Variants in AHCYL2 observed in about 807,000 individuals in gnomAD.
AHCYL2 encodes S-adenosylhomocysteine hydrolase-like protein 2.
Under a neutral mutation model 81.4 loss-of-function variants are expected in AHCYL2, and 28 were observed. That is an observed-to-expected ratio of 0.34 (90% CI 0.25 to 0.47). The LOEUF (loss-of-function observed/expected upper bound fraction) is 0.47. Among genes scored for constraint, AHCYL2 ranks in the 20% least tolerant of loss-of-function variants. The pLI is 1.00. For missense variants in AHCYL2, 551 were observed against 785.1 expected, an observed-to-expected ratio of 0.70 and a Z score of 3.56; for synonymous variants, 272 against 290.2, an observed-to-expected ratio of 0.94 and a Z score of 0.64.
intron 4 of AHCYL2, 99 bp from the exon 5 acceptor site, chr7:129,397,123 T>G: frequency 9.8e-7 from 1 of 1,017,194 alleles, no homozygotes; most frequent in Non-Finnish European, 1.4e-6. Flanking sequence ...GCTTAAGTCA[T>G]TCCCGTTGTA....
chr7:129,422,990 A>G, intron 13 of AHCYL2, 52 bp downstream of exon 13: 1 of 1,498,838 alleles, frequency 6.7e-7, no homozygotes, highest in South Asian at 1.2e-5. Context: ...AGACTGCAAT[A>G]CCCAGGTCCC....
rs112172676 is a variant in AHCYL2 at position 129,308,071 on chromosome 7, G to A, written c.364-71567G>A. 6.1e-3 allele frequency among the ~76,000 whole-genome samples: 925 copies of A among 151,992 alleles called. 12 individuals are homozygous for A. The highest frequency in any genetic ancestry group is 0.021 in the African/African-American group (888 of 41,454). ...TGCCTTGGGTTGAGGGAGGGGTGAC[G>A]CAAGCACTCCCTTAGCCACCCTGGC... is the stretch of plus-strand genomic sequence containing the variant. On this transcript the variant is annotated intron_variant, in intron 1 of 16. Coordinates refer to ENST00000325006, the MANE Select transcript of AHCYL2 (RefSeq NM_015328.4).
chr7:129,348,337 T>G (rs541595629), intron 1 of AHCYL2, among the ~76,000 whole-genome samples: 1 of 149,258 alleles, frequency 6.7e-6, no homozygotes, highest in Non-Finnish European at 1.5e-5. Context: ...GGGGGAAAAC[T>G]GGATGCAGAA....
Position 129,341,184 on chromosome 7 carries a change from C to T in AHCYL2, c.364-38454C>T, listed in dbSNP as rs570576776. Among the ~76,000 whole-genome samples the T allele has an allele frequency of 3.3e-5, 5 of 152,264 alleles. No individual in the cohort carries two copies. In the East Asian group the frequency reaches 9.6e-4, roughly 29 times the overall value. ...AAGAGGTAGTTAGAACTTGGGGTTACATAGCATCTTAGCAAAGAATAGAAA... is the reference window on the plus strand; with the variant it reads ...AAGAGGTAGTTAGAACTTGGGGTTATATAGCATCTTAGCAAAGAATAGAAA... On this transcript the variant is annotated intron_variant, in intron 1 of 16. Transcript: ENST00000325006.
At chr7:129,265,255 T>C (rs1038980804) in intron 1 of AHCYL2, among the ~76,000 whole-genome samples, 2 of 152,156 alleles carry the variant, frequency 1.3e-5, no homozygotes, top group Admixed American at 6.5e-5. Context: ...ATTTCAGCAT[T>C]ATATGAAGCA....
At chr7:129,318,446 A>G (rs558614779) in intron 1 of AHCYL2, among the ~76,000 whole-genome samples, 1 of 152,352 alleles carries the variant, frequency 6.6e-6, no homozygotes, top group African/African-American at 2.4e-5. Context: ...ATTCAAAATT[A>G]TATTCCTTAA....
chr7:129,406,593 C>T lies in AHCYL2; in HGVS notation c.1295+127C>T, dbSNP rs1796318643. ...AGATGCTGCCACTAACTCTAAGCAT[C>T]TGTCTTTTAAAAAGGTCAAGGAGCT... On this transcript the variant is annotated intron_variant, in intron 10 of 16. Coordinates refer to ENST00000325006, the MANE Select transcript of AHCYL2 (RefSeq NM_015328.4). This position sits in a 1 kb window ranked among gnomAD's most constrained non-coding sequence, Gnocchi z 4.3. 2.2e-6 allele frequency: 2 copies of T among 911,190 alleles called. No homozygotes were observed. The highest frequency in any genetic ancestry group is 2.3e-4 in the Middle Eastern group (1 of 4,264). 56.4% of individuals were successfully genotyped at this position (911,190 alleles called of 1,614,324 possible).
intron 1 of AHCYL2, among the ~76,000 whole-genome samples, chr7:129,317,607 G>A (rs1797868517): frequency 6.6e-6 from 1 of 152,202 alleles, no homozygotes; most frequent in Non-Finnish European, 1.5e-5. Context: ...AGGTGGGCAG[G>A]CACTACTACC....
Position 129,366,246 on chromosome 7 carries a change from G to C in AHCYL2, c.364-13392G>C, listed in dbSNP as rs572177501. Among the ~76,000 whole-genome samples, 495 of 152,130 alleles carry C rather than the reference G, an allele frequency of 3.3e-3. 3 individuals carry two copies. Among genetic ancestry groups the C allele is most frequent in the South Asian group, 9.6e-3 (46 of 4,812 alleles). ...CACCCTCCCTGTGATCCCTTGATAC[G>C]TCTGAATGCACCTGGTTCAACAGTC... On this transcript the variant is annotated intron_variant, in intron 1 of 16. Coordinates refer to ENST00000325006, the MANE Select transcript of AHCYL2 (RefSeq NM_015328.4).
chr7:129,225,811 C>G (rs1452940619), intron 1 of AHCYL2, among the ~76,000 whole-genome samples: 1 of 152,180 alleles, frequency 6.6e-6, no homozygotes, highest in East Asian at 1.9e-4. Context: ...CCTTACCGCT[C>G]ACGGGAGTTC....
intron 1 of AHCYL2, among the ~76,000 whole-genome samples, chr7:129,229,451 A>G (rs1478140123): frequency 6.6e-6 from 1 of 152,166 alleles, no homozygotes; most frequent in South Asian, 2.1e-4. Context: ...TTATAGATGC[A>G]GAAATGAGAT....
chr7:129,416,666 G>C (rs1010530557), intron 12 of AHCYL2, among the ~76,000 whole-genome samples: 4 of 152,122 alleles, frequency 2.6e-5, no homozygotes, highest in African/African-American at 7.2e-5. Flanking sequence ...TGGGCGTGGT[G>C]GTGGGCGCCT....
intron 1 of AHCYL2, among the ~76,000 whole-genome samples, chr7:129,346,460 A>C (rs1793365340): frequency 6.6e-6 from 1 of 152,216 alleles, no homozygotes; most frequent in African/African-American, 2.4e-5. Flanking sequence ...CCTGATTAAA[A>C]AGTGGGCAAA....
chr7:129,349,052 T>G (rs1480081852), intron 1 of AHCYL2, among the ~76,000 whole-genome samples: 1 of 152,188 alleles, frequency 6.6e-6, no homozygotes, highest in African/African-American at 2.4e-5. Flanking sequence ...TGACTTTTAT[T>G]CCTCACAACT....
chr7:129,333,399 G>A (rs1798489580), intron 1 of AHCYL2, among the ~76,000 whole-genome samples: 1 of 151,842 alleles, frequency 6.6e-6, no homozygotes, highest in Admixed American at 6.6e-5. Context: ...CTACATATAG[G>A]TGGTCAGTGA....
intron 1 of AHCYL2, among the ~76,000 whole-genome samples, chr7:129,350,089 T>TA (rs1793503759): frequency 6.6e-6 from 1 of 152,230 alleles, no homozygotes; most frequent in Non-Finnish European, 1.5e-5. Context: ...AAAGGCTTTA[T>TA]AGAAGATGGG....
At chr7:129,306,006 G>A (rs1797428711) in intron 1 of AHCYL2, among the ~76,000 whole-genome samples, 2 of 152,226 alleles carry the variant, frequency 1.3e-5, no homozygotes, top group South Asian at 4.2e-4. Flanking sequence ...TTCTCTTCCT[G>A]CTTTTAGGAT....
chr7:129,417,137 T>A (rs186778085), intron 12 of AHCYL2, among the ~76,000 whole-genome samples: 3,044 of 151,970 alleles, frequency 0.02, 60 homozygotes, highest in Non-Finnish European at 0.028. Flanking sequence ...GCAAAAAAAA[T>A]TTTTTAAAAA....
intron 12 of AHCYL2, among the ~76,000 whole-genome samples, chr7:129,414,268 G>A (rs1796734722): frequency 6.6e-6 from 1 of 152,082 alleles, no homozygotes. Flanking sequence ...AATCAATTCA[G>A]CACCATTGTG....
Sources: gnomAD v4.1 joint callset for allele counts (sites outside exome capture counted in the v4.1 genomes callset) on GRCh38, gnomAD v4.1.1 for gene constraint, Gnocchi (gnomAD v3.1) non-coding constraint, MANE v1.5 for transcripts, NCBI Gene and HGNC (gene_info 2026-07-23, HGNC 2026-07-21) for gene names.